Variants in DPP10 observed in about 807,000 individuals in gnomAD.
The protein encoded by DPP10 is dipeptidyl peptidase like 10, also known as inactive dipeptidyl peptidase 10.
In DPP10, 33 loss-of-function variants were observed where a neutral mutation model predicts 120.9. That is an observed-to-expected ratio of 0.27 (90% CI 0.21 to 0.37). The LOEUF (loss-of-function observed/expected upper bound fraction) is 0.37, where lower values mean the gene tolerates loss of function less well. Among genes scored for constraint, DPP10 ranks in the 10% least tolerant of loss-of-function variants. The probability of loss-of-function intolerance (pLI) is 1.00; values close to 1 mark genes in which losing one functional copy is unlikely to be tolerated. For synonymous variants in DPP10, 337 were observed against 326.1 expected, an observed-to-expected ratio of 1.03 and a Z score of -0.36; for missense variants, 816 against 942.8, an observed-to-expected ratio of 0.87 and a Z score of 1.76.
chr2:114,835,230 A>C (rs1248143490), intron 1 of DPP10: 1 of 151,676 alleles, frequency 6.6e-6, no homozygotes. Flanking sequence ...ATATCTACAC[A>C]CCTATGTGTA....
chr2:115,236,206 A>G (rs530208691), intron 1 of DPP10, among the ~76,000 whole-genome samples: 2 of 152,364 alleles, frequency 1.3e-5, no homozygotes, highest in African/African-American at 4.8e-5. Context: ...TAGAGGTATT[A>G]TTACTAAGTT....
At chr2:115,220,242 A>G (rs2057066265) in intron 1 of DPP10, among the ~76,000 whole-genome samples, 2 of 152,006 alleles carry the variant, frequency 1.3e-5, no homozygotes, top group African/African-American at 4.8e-5. Flanking sequence ...CATTTTATAC[A>G]CTCATTGTTG....
At chr2:115,724,759 G>T (rs1379253409) in intron 7 of DPP10, among the ~76,000 whole-genome samples, 1 of 152,192 alleles carries the variant, frequency 6.6e-6, no homozygotes, top group South Asian at 2.1e-4. Context: ...GTGATTCAAG[G>T]TTCTGCAGGT....
intron 5 of DPP10, among the ~76,000 whole-genome samples, chr2:115,587,089 CT>C (rs756810925): frequency 7.1e-4 from 74 of 103,908 alleles, no homozygotes; most frequent in Middle Eastern, 6.4e-3. Context: ...TTTTCTCTTT[CT>C]TTTTTTTTTT....
rs540000639 is a variant in DPP10, at chr2:114,709,619, C to T, written c.60+266781C>T. Among the ~76,000 whole-genome samples, 30 of 152,176 alleles carry T rather than the reference C, an allele frequency of 2.0e-4. 1 individual carries two copies. The Middle Eastern group carries it at 0.017, about 87-fold the overall frequency. On this transcript the variant is annotated intron_variant, in intron 1 of 25. Coordinates refer to ENST00000410059, the MANE Select transcript of DPP10 (RefSeq NM_020868.6). The stretch of plus-strand genomic sequence containing the variant: ...CTAAGATATGTTCTATACCTTTTCC[C>T]CTTTGCCTTATGAAACTGCCAAGAA...
intron 1 of DPP10, among the ~76,000 whole-genome samples, chr2:114,470,153 A>G (rs1679788014): frequency 6.6e-6 from 1 of 152,250 alleles, no homozygotes; most frequent in Non-Finnish European, 1.5e-5. Flanking sequence ...ATTTGAGCTG[A>G]CAGCAGCACA....
chr2:115,612,749 A>AATAT (rs1356701001), intron 5 of DPP10, among the ~76,000 whole-genome samples: 5 of 152,186 alleles, frequency 3.3e-5, no homozygotes, highest in Non-Finnish European at 1.5e-5. Flanking sequence ...TGCTCTCATA[A>AATAT]AGCTGTATTA....
chr2:114,818,096 T>C (rs1217422206), intron 1 of DPP10, among the ~76,000 whole-genome samples: 2 of 152,120 alleles, frequency 1.3e-5, no homozygotes, highest in Non-Finnish European at 1.5e-5. Context: ...ATCACCAAGA[T>C]AACATTGAAT....
chr2:114,507,502 C>A (rs1291632662), intron 1 of DPP10, among the ~76,000 whole-genome samples: 1 of 152,154 alleles, frequency 6.6e-6, no homozygotes, highest in Non-Finnish European at 1.5e-5. Flanking sequence ...AATCAGCTTA[C>A]TGAGCACCAG....
At chr2:115,353,087 A>G (rs1042345187) in intron 3 of DPP10, among the ~76,000 whole-genome samples, 2 of 152,150 alleles carry the variant, frequency 1.3e-5, no homozygotes, top group African/African-American at 4.8e-5. Flanking sequence ...AATTAGGTGA[A>G]CAATAATTAG....
At chr2:114,684,777 C>T (rs1166750927) in intron 1 of DPP10, among the ~76,000 whole-genome samples, 2 of 151,892 alleles carry the variant, frequency 1.3e-5, no homozygotes, top group Non-Finnish European at 2.9e-5. Context: ...CAAAGAAGAC[C>T]TACCTTCTCT....
At chr2:115,370,303 C>T (rs903461996) in intron 3 of DPP10, among the ~76,000 whole-genome samples, 1 of 151,928 alleles carries the variant, frequency 6.6e-6, no homozygotes, top group Non-Finnish European at 1.5e-5. Flanking sequence ...CATTTTTGCC[C>T]CCTGATGATT....
intron 19 of DPP10, among the ~76,000 whole-genome samples, chr2:115,797,739 G>A (rs891345313): frequency 6.6e-6 from 1 of 151,758 alleles, no homozygotes; most frequent in Non-Finnish European, 1.5e-5. Flanking sequence ...ATTTAAACTT[G>A]TTCTTTCACA....
chr2:115,437,264 G>A (rs2071581513), intron 3 of DPP10, among the ~76,000 whole-genome samples: 1 of 152,006 alleles, frequency 6.6e-6, no homozygotes, highest in Non-Finnish European at 1.5e-5. Context: ...AGCTCAAGGG[G>A]CAACCTTTTT....
chr2:114,679,456 G>A (rs1178208482), intron 1 of DPP10, among the ~76,000 whole-genome samples: 1 of 151,878 alleles, frequency 6.6e-6, no homozygotes, highest in East Asian at 1.9e-4. Flanking sequence ...AAATATTAGA[G>A]GACTCTTAGG....
chr2:115,082,553 G>C (rs1348242428), intron 1 of DPP10, among the ~76,000 whole-genome samples: 1 of 152,188 alleles, frequency 6.6e-6, no homozygotes, highest in Non-Finnish European at 1.5e-5. Context: ...ATATTACTTG[G>C]TTAATACAAT....
intron 1 of DPP10, among the ~76,000 whole-genome samples, chr2:115,015,170 A>G (rs1409537328): frequency 1.3e-5 from 2 of 152,236 alleles, no homozygotes; most frequent in Non-Finnish European, 2.9e-5. Context: ...AGTTGGCTGC[A>G]TCCCTGGGAT....
intron 1 of DPP10, among the ~76,000 whole-genome samples, chr2:114,783,117 TATGTA>T (rs1215378830): frequency 6.6e-6 from 1 of 152,158 alleles, no homozygotes; most frequent in East Asian, 1.9e-4. Flanking sequence ...GGTTTAAAGA[TATGTA>T]ATGATATAGT....
intron 5 of DPP10, among the ~76,000 whole-genome samples, chr2:115,528,025 CAT>C (rs1213009155): frequency 6.6e-6 from 1 of 152,112 alleles, no homozygotes. Flanking sequence ...CCACAATAAA[CAT>C]ATGTGTGCAT....
Sources: gnomAD v4.1 joint callset for allele counts (sites outside exome capture counted in the v4.1 genomes callset) on GRCh38, gnomAD v4.1.1 for gene constraint, MANE v1.5 for transcripts, NCBI Gene and HGNC (gene_info 2026-07-23, HGNC 2026-07-21) for gene names.